Variants in RBFOX3 observed in about 807,000 individuals in gnomAD.
RBFOX3 encodes the protein RNA binding protein fox-1 homolog 3.
A neutral mutation model predicts 48.7 loss-of-function variants in RBFOX3; 17 were observed. The ratio of observed to expected loss-of-function variants is 0.35; its 90% CI spans 0.24 to 0.52. The LOEUF (loss-of-function observed/expected upper bound fraction) is 0.52. RBFOX3 is among the 20% of genes least tolerant of loss of function. RBFOX3 has a pLI of 0.94. For missense variants in RBFOX3, 382 were observed against 497.5 expected (o/e 0.77, Z 2.21); for synonymous variants, 212 against 209.5 (o/e 1.01, Z -0.10).
the RBFOX3 span, among the ~76,000 whole-genome samples, chr17:79,620,591 A>ACG: frequency 7.1e-6 from 1 of 141,218 alleles, no homozygotes; most frequent in African/African-American, 2.7e-5. Flanking sequence ...GCACGCACAC[A>ACG]CACGCACGCA....
In RBFOX3 at chr17:79,418,259, G is replaced by T. The variant is rs76618916; in HGVS notation, c.-175+64195C>A. ...CAACGACAAAAAGTTTTTTCCAATC[G>T]CAGGGATGTATGTGTTCCATCCAGC... is the stretch of plus-strand genomic sequence containing the variant. On this transcript the variant is annotated intron_variant, in intron 2 of 14. Coordinates refer to ENST00000693108, the MANE Select transcript of RBFOX3 (RefSeq NM_001350451.2). This position sits in a 1 kb window ranked among gnomAD's most constrained non-coding sequence, Gnocchi z 5.0. Among the ~76,000 whole-genome samples, 8 of 152,216 alleles carry T rather than the reference G, an allele frequency of 5.3e-5. No homozygotes were observed. In the South Asian group the frequency reaches 1.7e-3, roughly 32 times the overall value.
At chr17:79,253,460 A>G (rs2064291073) in intron 3 of RBFOX3, among the ~76,000 whole-genome samples, 1 of 152,232 alleles carries the variant, frequency 6.6e-6, no homozygotes, top group Non-Finnish European at 1.5e-5. Flanking sequence ...TTAAAGATCT[A>G]ATGTTTAATT....
chr17:79,350,682 C>T (rs528343884), intron 2 of RBFOX3, among the ~76,000 whole-genome samples: 39 of 152,338 alleles, frequency 2.6e-4, no homozygotes, highest in South Asian at 2.5e-3. Context: ...ACATGCCAGC[C>T]GGTGTGTCCC....
chr17:79,270,748 T>C (rs969925604), intron 3 of RBFOX3, among the ~76,000 whole-genome samples: 10 of 152,236 alleles, frequency 6.6e-5, no homozygotes, highest in Admixed American at 5.9e-4. Flanking sequence ...TAGGGGGCAA[T>C]GTGGGGAAGC....
At chr17:79,566,168 A>T (rs2092446940) in intron 1 of RBFOX3, among the ~76,000 whole-genome samples, 1 of 152,084 alleles carries the variant, frequency 6.6e-6, no homozygotes, top group African/African-American at 2.4e-5. Flanking sequence ...CCTATGGCAC[A>T]TCTCTAGAGA....
chr17:79,182,588 C>G (rs1037530648), intron 4 of RBFOX3, among the ~76,000 whole-genome samples: 8 of 151,754 alleles, frequency 5.3e-5, no homozygotes, highest in African/African-American at 1.2e-4. Flanking sequence ...CTGTGCGCAC[C>G]TCCCCACGGG....
intron 10 of RBFOX3, 62 bp from the exon 11 acceptor site, chr17:79,097,486 T>A: frequency 2.4e-6 from 3 of 1,238,880 alleles, no homozygotes; most frequent in African/African-American, 2.3e-5. Flanking sequence ...TGGCACCCCC[T>A]CCCCGTACAC....
the RBFOX3 span, among the ~76,000 whole-genome samples, chr17:79,655,392 G>T: frequency 5.8e-4 from 88 of 152,318 alleles, no homozygotes; most frequent in East Asian, 0.016. Context: ...AGGACTCAAT[G>T]AAGTAATGCA....
chr17:79,472,668 A>T (rs1555757659), intron 2 of RBFOX3, among the ~76,000 whole-genome samples: 1 of 152,284 alleles, frequency 6.6e-6, no homozygotes, highest in South Asian at 2.1e-4. Flanking sequence ...GTGAGCCCCC[A>T]GGCTGAGGGG....
intron 4 of RBFOX3, among the ~76,000 whole-genome samples, chr17:79,211,152 C>T (rs778412416): frequency 4.6e-5 from 7 of 152,228 alleles, no homozygotes; most frequent in Non-Finnish European, 8.8e-5. Flanking sequence ...CGGTCTCAGT[C>T]CTGGGCCACG....
At chr17:79,096,379 G>A (rs1340491641) in intron 12 of RBFOX3, among the ~76,000 whole-genome samples, 1 of 152,190 alleles carries the variant, frequency 6.6e-6, no homozygotes, top group Non-Finnish European at 1.5e-5. Context: ...CCCATTATAT[G>A]AGGCCTTGCC....
At chr17:79,463,238 G>GCCATCGCCACTGCCACCTCCA (rs2075713085) in intron 2 of RBFOX3, among the ~76,000 whole-genome samples, 1 of 90,068 alleles carries the variant, frequency 1.1e-5, no homozygotes, top group African/African-American at 4.1e-5. Flanking sequence ...CACTGCCACT[G>GCCATCGCCACTGCCACCTCCA]CCATCGCCAC....
chr17:79,437,401 A>T (rs1555731808), intron 2 of RBFOX3, among the ~76,000 whole-genome samples: 1 of 152,236 alleles, frequency 6.6e-6, no homozygotes, highest in Non-Finnish European at 1.5e-5. Flanking sequence ...TGACGAGCCC[A>T]GGGAGGTGCG....
At position 79,547,749 on chromosome 17, in the gene RBFOX3, C is replaced by T. The variant is rs566644934; in HGVS notation, c.-320+63077G>A. ...CAGTGGAGCAGGCTGGGGGAGGACG[C>T]GGGACTTTAGGGGGCAGCAGGCAGG... is the stretch of plus-strand genomic sequence containing the variant. On this transcript the variant is annotated intron_variant, in intron 1 of 14. Transcript: ENST00000693108. Among the ~76,000 whole-genome samples the T allele has an allele frequency of 1.1e-4, 16 of 152,322 alleles. 1 individual carries two copies. Among genetic ancestry groups the T allele is most frequent in the African/African-American group, 3.1e-4 (13 of 41,562 alleles).
At chr17:79,355,521 C>T (rs575583785) in intron 2 of RBFOX3, among the ~76,000 whole-genome samples, 74 of 152,290 alleles carry the variant, frequency 4.9e-4, no homozygotes, top group African/African-American at 1.8e-3. Context: ...GCTCCTGAAC[C>T]CCTGAGTTCA....
Position 79,261,945 on chromosome 17 carries a change from C to T in RBFOX3, c.-73-26140G>A, listed in dbSNP as rs550725654. On this transcript the variant is annotated intron_variant, in intron 3 of 14. Transcript: ENST00000693108. ...TACTGGGGCTTGTGGAGGGGGGAGG[C>T]GTACGAACACCTGCAATATTAATGC... 9.2e-5 allele frequency among the ~76,000 whole-genome samples: 14 copies of T among 152,236 alleles called. 1 individual carries two copies. Among genetic ancestry groups the T allele is most frequent in the Middle Eastern group, 3.4e-3 (1 of 294 alleles).
intron 2 of RBFOX3, among the ~76,000 whole-genome samples, chr17:79,420,636 G>T (rs577303055): frequency 6.6e-6 from 1 of 152,356 alleles, no homozygotes; most frequent in African/African-American, 2.4e-5. Context: ...GGAGGGAAGT[G>T]CACGGGAACC....
At chr17:79,452,389 G>C (rs967645322) in intron 2 of RBFOX3, among the ~76,000 whole-genome samples, 3 of 152,176 alleles carry the variant, frequency 2.0e-5, no homozygotes, top group African/African-American at 7.2e-5. Flanking sequence ...TGCCTTCGAC[G>C]CAGAAGGCAG....
At chr17:79,640,501 A>T in the RBFOX3 span, among the ~76,000 whole-genome samples, 3 of 152,214 alleles carry the variant, frequency 2.0e-5, no homozygotes, top group Non-Finnish European at 2.9e-5. Flanking sequence ...CTGAATAGCC[A>T]AGCAATTTTG....
Sources: allele counts gnomAD v4.1 joint callset (sites outside exome capture counted in the v4.1 genomes callset), GRCh38; gene constraint gnomAD v4.1.1; non-coding constraint Gnocchi (gnomAD v3.1); transcripts MANE v1.5; gene names NCBI Gene and HGNC (gene_info 2026-07-23, HGNC 2026-07-21).